CAST: variants seen among roughly 807,000 people sequenced by gnomAD.
CAST encodes the protein calpastatin.
In CAST, 76 loss-of-function variants were observed where a neutral mutation model predicts 119.6. The observed-to-expected ratio is 0.64, with a 90% CI of 0.53 to 0.77. The LOEUF (loss-of-function observed/expected upper bound fraction) is 0.77. Ranked by LOEUF, CAST falls within the 30% of genes least tolerant of loss-of-function variation. CAST has a pLI of 0.00. For synonymous variants in CAST, 319 were observed against 331.6 expected (o/e 0.96, Z 0.41); for missense variants, 953 against 946.5 (o/e 1.01, Z -0.09).
chr5:96,081,389 G>A, the CAST span, among the ~76,000 whole-genome samples: 1 of 152,206 alleles, frequency 6.6e-6, no homozygotes, highest in Non-Finnish European at 1.5e-5. Context: ...GTCCCATAGA[G>A]CTCAGCATGG....
At chr5:96,056,974 A>G in the CAST span, among the ~76,000 whole-genome samples, 1 of 152,156 alleles carries the variant, frequency 6.6e-6, no homozygotes, top group Non-Finnish European at 1.5e-5. Context: ...AATGCTTCTC[A>G]GATTGGGCAG....
the CAST span, among the ~76,000 whole-genome samples, chr5:96,358,288 G>A: frequency 6.6e-6 from 1 of 152,034 alleles, no homozygotes; most frequent in African/African-American, 2.4e-5. Flanking sequence ...CCAGTTCCTG[G>A]ATTCATTGAT....
chr5:96,170,564 T>G, the CAST span, among the ~76,000 whole-genome samples: 2 of 152,280 alleles, frequency 1.3e-5, no homozygotes, highest in South Asian at 2.1e-4. Flanking sequence ...AATTTAATTT[T>G]TGGAGCTTTA....
intron 9 of CAST, among the ~76,000 whole-genome samples, chr5:96,735,734 G>A (rs888358546): frequency 1.2e-4 from 18 of 152,220 alleles, no homozygotes; most frequent in Admixed American, 1.3e-4. Flanking sequence ...CTCATTTTAA[G>A]GAAAGAGGAG....
chr5:96,005,480 G>GAT, the CAST span, among the ~76,000 whole-genome samples: 1 of 152,162 alleles, frequency 6.6e-6, no homozygotes. Flanking sequence ...GGAAATTCAG[G>GAT]ATATATATAC....
chr5:96,170,156 C>A, the CAST span, among the ~76,000 whole-genome samples: 1 of 152,302 alleles, frequency 6.6e-6, no homozygotes. Context: ...CGGTCTTCAG[C>A]CGCTAAGCCG....
chr5:96,729,761 CA>C, intron 8 of CAST, 36 bp downstream of exon 8: 1 of 871,916 alleles, frequency 1.1e-6, no homozygotes, highest in Non-Finnish European at 2.0e-6. Context: ...ACCTTAACAT[CA>C]ACTGGATAAT....
chr5:95,961,879 C>A, the CAST span: 1 of 926,044 alleles, frequency 1.1e-6, no homozygotes, highest in Non-Finnish European at 1.5e-6. Flanking sequence ...GGACTGCCAC[C>A]GCCGCCACCC....
At chr5:96,156,999 T>C in the CAST span, among the ~76,000 whole-genome samples, 1 of 152,240 alleles carries the variant, frequency 6.6e-6, no homozygotes. Context: ...ATATAGTTCA[T>C]TTGGAAATTT....
chr5:96,721,901 C>T (rs1166454432), intron 3 of CAST, among the ~76,000 whole-genome samples: 1 of 152,162 alleles, frequency 6.6e-6, no homozygotes, highest in South Asian at 2.1e-4. Flanking sequence ...TATTTATCAC[C>T]TCTTGCCTTC....
At chr5:96,534,714 G>GAGA (rs1745752048) in intron 1 of CAST, among the ~76,000 whole-genome samples, 9 of 13,996 alleles carry the variant, frequency 6.4e-4, no homozygotes, top group African/African-American at 1.5e-3. Flanking sequence ...AAGGAAGGAA[G>GAGA]GAGAGAGAGA....
chr5:96,006,199 G>A, the CAST span, among the ~76,000 whole-genome samples: 2 of 152,094 alleles, frequency 1.3e-5, no homozygotes, highest in Admixed American at 1.3e-4. Flanking sequence ...AAGTTATGAA[G>A]GACTAGTTGG....
the CAST span, among the ~76,000 whole-genome samples, chr5:96,477,268 C>A: frequency 6.6e-6 from 1 of 150,636 alleles, no homozygotes; most frequent in Non-Finnish European, 1.5e-5. Context: ...TAGAAAGATG[C>A]AAGGTAGAGA....
At chr5:96,771,970 C>G in intron 31 of CAST, 1 of 270,554 alleles carries the variant, frequency 3.7e-6, no homozygotes, top group Non-Finnish European at 7.0e-6. Context: ...GAATGACCAT[C>G]TGAGGCTAGT....
upstream of CAST, chr5:96,662,278 G>A: frequency 9.9e-7 from 1 of 1,011,514 alleles, no homozygotes. Context: ...GACCTGGGGT[G>A]GGGTCGGAAA....
At chr5:96,032,761 C>T in the CAST span, among the ~76,000 whole-genome samples, 9 of 152,140 alleles carry the variant, frequency 5.9e-5, no homozygotes, top group East Asian at 5.8e-4. Flanking sequence ...TATACCACTT[C>T]TCTAAAGGAG....
chr5:96,210,855 G>A, the CAST span, among the ~76,000 whole-genome samples: 14 of 151,574 alleles, frequency 9.2e-5, no homozygotes, highest in East Asian at 3.9e-4. Flanking sequence ...TTCCTTCATC[G>A]GCATTTTGTA....
At chr5:96,022,660 T>C in the CAST span, among the ~76,000 whole-genome samples, 1 of 152,110 alleles carries the variant, frequency 6.6e-6, no homozygotes, top group Admixed American at 6.6e-5. Flanking sequence ...TCAGTCAGGG[T>C]TCTTCCGAGA....
At chr5:96,364,433 G>T in the CAST span, among the ~76,000 whole-genome samples, 1 of 151,984 alleles carries the variant, frequency 6.6e-6, no homozygotes, top group Non-Finnish European at 1.5e-5. Flanking sequence ...GTAGAATTCG[G>T]CTGTGAATCC....
Sources: allele counts gnomAD v4.1 joint callset (sites outside exome capture counted in the v4.1 genomes callset), GRCh38; gene constraint gnomAD v4.1.1; transcripts MANE v1.5; gene names NCBI Gene and HGNC (gene_info 2026-07-23, HGNC 2026-07-21).